The following LARGE1 variants were observed in gnomAD, a reference collection of about 807,000 sequenced individuals.
The protein encoded by LARGE1 is LARGE xylosyl- and glucuronyltransferase 1.
LARGE1 carries 43 observed loss-of-function variants against 87.6 expected under a neutral mutation model. The ratio of observed to expected loss-of-function variants is 0.49; its 90% CI spans 0.38 to 0.63. The LOEUF (loss-of-function observed/expected upper bound fraction) is 0.63. Among genes scored for constraint, LARGE1 ranks in the 30% least tolerant of loss-of-function variants. LARGE1 has a pLI of 0.00. For synonymous variants in LARGE1, 434 were observed against 394.6 expected (o/e 1.10, Z -1.18); for missense variants, 802 against 1,000.2 (o/e 0.80, Z 2.67).
chr22:33,510,985 A>G (rs1046810445), intron 6 of LARGE1, among the ~76,000 whole-genome samples: 4 of 152,182 alleles, frequency 2.6e-5, no homozygotes, highest in African/African-American at 9.7e-5. Flanking sequence ...GCATATATAC[A>G]AATGAACCCA....
intron 6 of LARGE1, among the ~76,000 whole-genome samples, chr22:33,485,250 GT>G (rs1725288032): frequency 6.8e-6 from 1 of 146,708 alleles, no homozygotes; most frequent in Admixed American, 6.9e-5. Context: ...GTCTTGCTCT[GT>G]CGCCCAGGCT....
intron 6 of LARGE1, among the ~76,000 whole-genome samples, chr22:33,515,126 AAAAAAAT>A (rs1403704868): frequency 6.6e-6 from 1 of 152,064 alleles, no homozygotes; most frequent in Admixed American, 6.6e-5. Flanking sequence ...GCTAAAAAAA[AAAAAAAT>A]AAAAAATAAA....
intron 1 of LARGE1, among the ~76,000 whole-genome samples, chr22:33,892,037 C>T (rs1176659724): frequency 6.6e-6 from 1 of 152,140 alleles, no homozygotes; most frequent in Non-Finnish European, 1.5e-5. Context: ...CTACCACGTA[C>T]GAGAGTTCAC....
chr22:33,646,418 C>T (rs1441909201), intron 3 of LARGE1, among the ~76,000 whole-genome samples: 5 of 152,024 alleles, frequency 3.3e-5, no homozygotes, highest in Admixed American at 6.6e-5. Context: ...GGGAACATCA[C>T]ACACTGGGAC....
intron 6 of LARGE1, among the ~76,000 whole-genome samples, chr22:33,520,762 T>C (rs1767339840): frequency 6.6e-6 from 1 of 152,234 alleles, no homozygotes; most frequent in Admixed American, 6.5e-5. Context: ...AGCTGCTGTT[T>C]TGGGACTTCT....
the LARGE1 span, among the ~76,000 whole-genome samples, chr22:33,069,436 A>G: frequency 2.0e-5 from 3 of 152,152 alleles, no homozygotes; most frequent in African/African-American, 7.2e-5. Flanking sequence ...GTTGGAGATA[A>G]CACTTGGGGC....
intron 5 of LARGE1, among the ~76,000 whole-genome samples, chr22:33,573,267 C>T (rs2078258570): frequency 6.6e-6 from 1 of 152,030 alleles, no homozygotes; most frequent in African/African-American, 2.4e-5. Context: ...GGTGAAAAAC[C>T]ATCTCCACTA....
chr22:33,181,400 G>T (rs977175481), intron 11 of LARGE1, among the ~76,000 whole-genome samples: 5 of 151,998 alleles, frequency 3.3e-5, no homozygotes, highest in Admixed American at 3.3e-4. Flanking sequence ...CCATTTTAAA[G>T]ATCTTTTATT....
the LARGE1 span, among the ~76,000 whole-genome samples, chr22:33,135,831 C>T: frequency 4.0e-4 from 61 of 151,434 alleles, no homozygotes; most frequent in African/African-American, 1.3e-3. Context: ...CAGAGCAAGA[C>T]TCCATCTCAA....
chr22:33,091,830 C>T, the LARGE1 span, among the ~76,000 whole-genome samples: 2 of 152,154 alleles, frequency 1.3e-5, no homozygotes, highest in Non-Finnish European at 2.9e-5. Flanking sequence ...TTTACAGTTG[C>T]CTGGCACCTC....
chr22:33,382,007 A>C lies in LARGE1; in HGVS notation c.1043T>G (p.Leu348Arg). 6.2e-7 allele frequency: 1 copy of C among 1,614,122 alleles called. No individual in the cohort carries two copies. The highest frequency in any genetic ancestry group is 8.5e-7 in the Non-Finnish European group (1 of 1,180,012). Residue 348 changes from leucine (L) to arginine (R), a missense_variant, in exon 9 of 15, where the codon CTT (leucine) becomes CGT (arginine). Leu to Arg is a moderately radical substitution (Grantham distance 102, BLOSUM62 -2). Coordinates refer to ENST00000397394, the MANE Select transcript of LARGE1 (RefSeq NM_133642.5). ...FNAVIKQNPF[L>R]VYQLPCFWNV... ...CCAGAAGCAGGGGAGCTGGTACACA[A>C]GGAAGGGGTTTTGTTTGATGACGGC...
chr22:33,746,794 A>T (rs1015634996), intron 2 of LARGE1, among the ~76,000 whole-genome samples: 4 of 152,166 alleles, frequency 2.6e-5, no homozygotes, highest in Non-Finnish European at 4.4e-5. Flanking sequence ...TCCATCAGCG[A>T]TGTTGTTACC....
the LARGE1 span, among the ~76,000 whole-genome samples, chr22:33,115,893 G>A: frequency 4.6e-5 from 7 of 151,326 alleles, no homozygotes; most frequent in Admixed American, 2.0e-4. Flanking sequence ...GCATGAAAGT[G>A]ACCATCTGTA....
At chr22:33,191,612 C>A (rs958062991) in intron 11 of LARGE1, among the ~76,000 whole-genome samples, 4 of 152,178 alleles carry the variant, frequency 2.6e-5, no homozygotes, top group Non-Finnish European at 5.9e-5. Context: ...CACTCTGCCC[C>A]CAGAGTTACA....
chr22:33,911,340 T>G (rs1368860217), intron 1 of LARGE1, among the ~76,000 whole-genome samples: 1 of 152,142 alleles, frequency 6.6e-6, no homozygotes, highest in Non-Finnish European at 1.5e-5. Context: ...CTCAATACAG[T>G]AGCTCTGCCT....
At chr22:33,371,962 C>T (rs960410867) in intron 9 of LARGE1, among the ~76,000 whole-genome samples, 18 of 145,048 alleles carry the variant, frequency 1.2e-4, no homozygotes, top group South Asian at 4.3e-4. Context: ...CCAGCCTGGG[C>T]GACAGAGCGA....
At chr22:33,834,670 C>T (rs985829321) in intron 1 of LARGE1, among the ~76,000 whole-genome samples, 3 of 152,186 alleles carry the variant, frequency 2.0e-5, no homozygotes, top group Non-Finnish European at 2.9e-5. Flanking sequence ...TCTCTTCACA[C>T]GGACGCGAGT....
chr22:33,552,070 A>T (rs1212868766), intron 6 of LARGE1, among the ~76,000 whole-genome samples: 1 of 152,080 alleles, frequency 6.6e-6, no homozygotes, highest in East Asian at 1.9e-4. Context: ...ATGTTCCCAG[A>T]AATATCAGAT....
At position 33,761,390 on chromosome 22, in the gene LARGE1, C is replaced by G. The variant is rs2145728903; in HGVS notation, c.87G>C (p.Leu29=). 27 of 1,613,932 alleles carry G rather than the reference C, an allele frequency of 1.7e-5. No homozygotes were observed. The highest frequency in any genetic ancestry group is 2.2e-5 in the Non-Finnish European group (26 of 1,179,920). ...TCTTACCTTCGAAGCTCCCAGAAAA[C>G]AGGTAAATCCAGGTGATGGCTGGGA... is the stretch of plus-strand genomic sequence containing the variant. ...LCIPAITWIY[L]FSGSFEDGKP... is the part of the protein sequence containing the mutation. Residue 29 remains leucine, a synonymous_variant, in exon 2 of 15, where the codon CTG becomes CTC. Transcript: ENST00000397394.
Sources: gnomAD v4.1 joint callset for allele counts (sites outside exome capture counted in the v4.1 genomes callset) on GRCh38, gnomAD v4.1.1 for gene constraint, MANE v1.5 for transcripts, NCBI Gene and HGNC (gene_info 2026-07-23, HGNC 2026-07-21) for gene names.